Variants in SNX29 observed in about 807,000 individuals in gnomAD.
SNX29 encodes sorting nexin 29, also known as sorting nexin-29.
A neutral mutation model predicts 102.1 loss-of-function variants in SNX29; 78 were observed. The ratio of observed to expected loss-of-function variants is 0.76; its 90% CI spans 0.64 to 0.92. The LOEUF is 0.92. Ranked by LOEUF, SNX29 falls within the 40% of genes least tolerant of loss-of-function variation. The pLI, the probability that SNX29 is intolerant of heterozygous loss-of-function variation, is 0.00. For missense variants in SNX29, 1,280 were observed against 1,061.7 expected (o/e 1.21, Z -2.86); for synonymous variants, 580 against 414.5 (o/e 1.40, Z -4.85).
At chr16:12,519,533 T>C (rs2090011223) in intron 19 of SNX29, among the ~76,000 whole-genome samples, 1 of 152,208 alleles carries the variant, frequency 6.6e-6, no homozygotes, top group Non-Finnish European at 1.5e-5. Context: ...TTTTCAGAAA[T>C]ACACACTGAA....
chr16:12,419,826 C>T (rs570928991), intron 18 of SNX29, among the ~76,000 whole-genome samples: 33 of 152,268 alleles, frequency 2.2e-4, no homozygotes, highest in Admixed American at 3.9e-4. Context: ...GGGTCGGTGT[C>T]GTGTACCTAC....
In SNX29 at chr16:12,535,827, C is replaced by T. The variant is rs571426020; in HGVS notation, c.2318+10986C>T. Reference sequence around the variant, plus strand: ...TGTGTAAGCCTTGCCGCCACTTTGGCCTCTCAGTGCTTAGATCGGCCATGG... The same window carrying T: ...TGTGTAAGCCTTGCCGCCACTTTGGTCTCTCAGTGCTTAGATCGGCCATGG... On this transcript the variant is annotated intron_variant, in intron 20 of 20. Transcript: ENST00000566228. 1.1e-4 allele frequency among the ~76,000 whole-genome samples: 17 copies of T among 152,244 alleles called. No individual in the cohort carries two copies. In the South Asian group the frequency reaches 2.3e-3, roughly 20 times the overall value.
At chr16:12,262,079 C>T (rs9930625) in intron 14 of SNX29, among the ~76,000 whole-genome samples, 30,882 of 71,160 alleles carry the variant, frequency 0.43, 9,420 homozygotes, top group Middle Eastern at 0.51. Flanking sequence ...CGGGTCTGTG[C>T]GCGCGTCCCC....
intron 14 of SNX29, among the ~76,000 whole-genome samples, chr16:12,235,868 T>C (rs2077915909): frequency 6.6e-6 from 1 of 151,804 alleles, no homozygotes; most frequent in Non-Finnish European, 1.5e-5. Context: ...CACAGTTCTT[T>C]TGGCAGTGTA....
intron 14 of SNX29, among the ~76,000 whole-genome samples, chr16:12,265,512 G>T (rs183378038): frequency 6.6e-6 from 1 of 152,144 alleles, no homozygotes; most frequent in East Asian, 1.9e-4. Flanking sequence ...TAATGGACAG[G>T]TGTTCTGATT....
intron 18 of SNX29, among the ~76,000 whole-genome samples, chr16:12,462,100 T>C (rs1292754407): frequency 2.8e-5 from 4 of 143,502 alleles, no homozygotes; most frequent in African/African-American, 7.8e-5. Context: ...TCAAACACCC[T>C]GAACACCCTG....
At chr16:12,024,027 T>G (rs1430461139) in intron 3 of SNX29, among the ~76,000 whole-genome samples, 1 of 152,066 alleles carries the variant, frequency 6.6e-6, no homozygotes, top group Non-Finnish European at 1.5e-5. Flanking sequence ...CAGGCAGCCC[T>G]GGAAATCAGA....
At chr16:12,323,397 C>T (rs975733512) in intron 15 of SNX29, among the ~76,000 whole-genome samples, 2 of 152,106 alleles carry the variant, frequency 1.3e-5, no homozygotes, top group Middle Eastern at 3.4e-3. Flanking sequence ...AAAGTAAACT[C>T]ATTTGTAAAG....
chr16:12,054,089 T>G (rs577030888), intron 8 of SNX29, among the ~76,000 whole-genome samples: 3 of 151,838 alleles, frequency 2.0e-5, no homozygotes, highest in South Asian at 4.2e-4. Flanking sequence ...TGCCTCAGCC[T>G]CCCGAGTAGC....
intron 11 of SNX29, among the ~76,000 whole-genome samples, chr16:12,125,620 T>C (rs1393027872): frequency 3.5e-4 from 42 of 118,742 alleles, no homozygotes; most frequent in East Asian, 6.8e-4. Context: ...TTTTTTTTTT[T>C]TTTTTTTTTT....
intron 14 of SNX29, among the ~76,000 whole-genome samples, chr16:12,244,627 C>T (rs754645283): frequency 2.0e-5 from 3 of 151,950 alleles, no homozygotes; most frequent in Non-Finnish European, 4.4e-5. Flanking sequence ...AAAAATCATC[C>T]AAATCACCTA....
chr16:12,391,010 A>G (rs557471729), intron 16 of SNX29, among the ~76,000 whole-genome samples: 6 of 152,246 alleles, frequency 3.9e-5, no homozygotes, highest in African/African-American at 9.6e-5. Flanking sequence ...CAGTGGCGCA[A>G]TCAGGTCTCA....
Position 12,271,140 on chromosome 16 carries a change from C to G in SNX29, c.1679-6793C>G, listed in dbSNP as rs180963218. On this transcript the variant is annotated intron_variant, in intron 14 of 20. Coordinates refer to ENST00000566228, the MANE Select transcript of SNX29 (RefSeq NM_032167.5). ...TATTGTTGTGTAACAAATTACCTCA[C>G]AGTTAGATGGCTTAAAACAACAAAC... Among the ~76,000 whole-genome samples, 207 of 152,370 alleles carry G rather than the reference C, an allele frequency of 1.4e-3. 1 individual carries two copies. The highest frequency in any genetic ancestry group is 5.0e-4 in the Non-Finnish European group (34 of 68,042).
intron 14 of SNX29, among the ~76,000 whole-genome samples, chr16:12,277,615 C>G (rs2079294972): frequency 1.3e-5 from 2 of 152,100 alleles, no homozygotes; most frequent in South Asian, 4.1e-4. Context: ...AGTTATGTCA[C>G]CTAGGCTGGA....
chr16:12,046,654 C>G (rs1013368431), intron 6 of SNX29, among the ~76,000 whole-genome samples, 200 bp downstream of exon 6: 2 of 152,218 alleles, frequency 1.3e-5, no homozygotes, highest in Non-Finnish European at 2.9e-5. Flanking sequence ...GAGCCTCACT[C>G]TGTTGCCCAG....
intron 19 of SNX29, among the ~76,000 whole-genome samples, chr16:12,508,106 A>G (rs950072007): frequency 6.6e-6 from 1 of 152,186 alleles, no homozygotes; most frequent in African/African-American, 2.4e-5. Context: ...AGGTACCGCT[A>G]CCTTCTTGGG....
chr16:12,132,802 T>C (rs935893583), intron 13 of SNX29, among the ~76,000 whole-genome samples: 6 of 152,202 alleles, frequency 3.9e-5, no homozygotes, highest in Non-Finnish European at 5.9e-5. Context: ...GGAACAGATA[T>C]CTGTAAAACA....
chr16:12,365,174 A>G (rs1200512407), intron 16 of SNX29, among the ~76,000 whole-genome samples: 1 of 152,112 alleles, frequency 6.6e-6, no homozygotes, highest in Non-Finnish European at 1.5e-5. Context: ...TTCAAGCAAA[A>G]TATGGTGTCT....
chr16:12,248,756 T>C (rs1467408788), intron 14 of SNX29, among the ~76,000 whole-genome samples: 1 of 151,802 alleles, frequency 6.6e-6, no homozygotes, highest in Non-Finnish European at 1.5e-5. Context: ...GGTCATTTTA[T>C]CTAGAATGGC....
Sources: gnomAD v4.1 joint callset for allele counts (sites outside exome capture counted in the v4.1 genomes callset) on GRCh38, gnomAD v4.1.1 for gene constraint, MANE v1.5 for transcripts, NCBI Gene and HGNC (gene_info 2026-07-23, HGNC 2026-07-21) for gene names.